GABRD: variants seen among roughly 807,000 people sequenced by gnomAD.
The protein encoded by GABRD is gamma-aminobutyric acid type A receptor subunit delta, also known as gamma-aminobutyric acid receptor subunit delta.
Under a neutral mutation model 47.3 loss-of-function variants are expected in GABRD, and 25 were observed. The observed-to-expected ratio is 0.53, with a 90% confidence interval of 0.39 to 0.74. The LOEUF (loss-of-function observed/expected upper bound fraction) is 0.74, where lower values mean the gene tolerates loss of function less well. GABRD is among the 30% of genes least tolerant of loss of function. The pLI, the probability that GABRD is intolerant of heterozygous loss-of-function variation, is 0.00. For missense variants in GABRD, 497 were observed against 643.4 expected (o/e 0.77, Z 2.46); for synonymous variants, 314 against 278.8 (o/e 1.13, Z -1.26).
intron 4 of GABRD, 95 bp from the exon 5 acceptor site, chr1:2,027,482 C>G: frequency 1.1e-6 from 1 of 938,652 alleles, no homozygotes. Context: ...GGGCTCCAGG[C>G]AGGTGCTCAG....
At chr1:2,019,523 C>T in intron 1 of GABRD, 32 bp downstream of exon 1, 1 of 1,059,234 alleles carries the variant, frequency 9.4e-7, no homozygotes, top group Non-Finnish European at 1.1e-6. Context: ...GGCGCGGGGT[C>T]GGGGGCGGTG....
At position 2,025,020 on chromosome 1, in the gene GABRD, C is replaced by T. The variant is rs147463074; in HGVS notation, c.147C>T (p.Ala49=). ...SWLPNLDGLI[A]GYARNFRPGI... Reference sequence around the variant, plus strand: ...TCCCCAACCTGGACGGGCTGATAGCCGGCTACGCCCGCAACTTCCGGCCTG... The same window carrying T: ...TCCCCAACCTGGACGGGCTGATAGCTGGCTACGCCCGCAACTTCCGGCCTG... Residue 49 remains alanine, a synonymous_variant, in exon 2 of 9, where the codon GCC becomes GCT. Transcript: ENST00000378585. 4.2e-5 allele frequency: 67 copies of T among 1,612,554 alleles called. No individual in the cohort carries two copies. Among genetic ancestry groups the T allele is most frequent in the Middle Eastern group, 3.3e-4 (2 of 6,080 alleles).
Position 2,028,919 on chromosome 1 carries a change from G to C in GABRD, c.692-192G>C, listed in dbSNP as rs78491888. ...GGGTGACACTGCTCAGGACCAGCCT[G>C]TCCTGTGGCCAGACCTAGGGCCGGA... On this transcript the variant is annotated intron_variant, in intron 6 of 8. Transcript: ENST00000378585. The surrounding 1 kb of genome is among the most constrained non-coding windows in gnomAD (Gnocchi z 6.4). 7,303 of 655,478 alleles carry C rather than the reference G, an allele frequency of 0.011. 400 individuals carry two copies. The African/African-American group carries it at 0.12, about 11-fold the overall frequency. 40.6% of individuals were successfully genotyped at this position (655,478 alleles called of 1,614,324 possible).
At chr1:2,027,788 C>A in intron 5 of GABRD, 129 bp downstream of exon 5, 1 of 847,376 alleles carries the variant, frequency 1.2e-6, no homozygotes, top group Non-Finnish European at 1.9e-6. Flanking sequence ...CTTCTGCATG[C>A]AAGAAGCCTG....
Position 2,028,712 on chromosome 1 carries a change from A to C in GABRD, c.692-399A>C, listed in dbSNP as rs1658999658. ...CAGCCCCACTTTCCCACCCCTACGC[A>C]CCCCGTCCCCGGTCATCCAGAGCCA... On this transcript the variant is annotated intron_variant, in intron 6 of 8. Coordinates refer to ENST00000378585, the MANE Select transcript of GABRD (RefSeq NM_000815.5). The surrounding 1 kb of genome is among the most constrained non-coding windows in gnomAD (Gnocchi z 6.4). 6.7e-6 allele frequency among the ~76,000 whole-genome samples: 1 copy of C among 149,618 alleles called. No individual in the cohort carries two copies.
At chr1:2,025,305 T>TC (rs753705742) in intron 2 of GABRD, 29 bp from the exon 3 acceptor site, 26 of 1,612,542 alleles carry the variant, frequency 1.6e-5, no homozygotes, top group Middle Eastern at 3.3e-4. Context: ...CCGGCCTCAG[T>TC]CCTTCTTAGT....
intron 4 of GABRD, 105 bp downstream of exon 4, chr1:2,025,843 GGGAGCTGGCGGGCGGGC>G (rs1658909157): frequency 1.0e-6 from 1 of 992,084 alleles, no homozygotes; most frequent in Non-Finnish European, 1.5e-6. Flanking sequence ...TTCTGCTGCC[GGGAGCTGGCGGGCGGGC>G]GGAGGGGGGG....
chr1:2,021,721 C>T (rs1016523730), intron 1 of GABRD, among the ~76,000 whole-genome samples: 4 of 152,202 alleles, frequency 2.6e-5, no homozygotes, highest in Admixed American at 1.3e-4. Context: ...CGGCTCCTAC[C>T]GTGCCAGCTC....
rs919834814 is a variant in GABRD at position 2,029,112 on chromosome 1, T to A, written c.693T>A (p.Ala231=). ...CACTGACGGTGGCTGTCCTGGCAGC[T>A]GGCCAGTTCCCACGGCTCAGCCTGC... is the stretch of plus-strand genomic sequence containing the variant. ...FTTELMNFKS[A]GQFPRLSLHF... is the part of the protein sequence containing the mutation. Residue 231 remains alanine (A), a splice_region_variant and synonymous_variant, in exon 7 of 9, where the codon GCT becomes GCA. Transcript: ENST00000378585. 2 of 1,541,124 alleles carry A rather than the reference T, an allele frequency of 1.3e-6. No individual in the cohort carries two copies. Among genetic ancestry groups the A allele is most frequent in the Non-Finnish European group, 8.7e-7 (1 of 1,146,890 alleles).
rs1659004015 is a variant in GABRD at position 2,028,842 on chromosome 1, A to C, written c.692-269A>C. The C allele has an allele frequency of 1.9e-6, 1 of 537,650 alleles. No homozygotes were observed. The highest frequency in any genetic ancestry group is 1.9e-5 in the African/African-American group (1 of 52,144). 33.3% of individuals were successfully genotyped at this position (537,650 alleles called of 1,614,324 possible). A position where few individuals can be genotyped will look rare whatever the true frequency, so the allele number is the denominator to read the frequency against. On this transcript the variant is annotated intron_variant, in intron 6 of 8. Coordinates refer to ENST00000378585, the MANE Select transcript of GABRD (RefSeq NM_000815.5). The surrounding 1 kb of genome is among the most constrained non-coding windows in gnomAD (Gnocchi z 6.4). ...TTGGTTGCGAGGGTCCCTCAGGGCC[A>C]GTCCAGCAAACATGAGGCCAGCAGT...
intron 1 of GABRD, among the ~76,000 whole-genome samples, chr1:2,021,311 G>A (rs1424774830): frequency 2.6e-5 from 4 of 152,228 alleles, no homozygotes; most frequent in Non-Finnish European, 4.4e-5. Context: ...CAGGCCTGGA[G>A]GGTCTCCCCA....
At position 2,030,509 on chromosome 1, in the gene GABRD, A is replaced by C. The variant is rs1659061602; in HGVS notation, c.*227A>C. 1 of 414,560 alleles carries C rather than the reference A, an allele frequency of 2.4e-6. No homozygotes were observed. The highest frequency in any genetic ancestry group is 2.1e-5 in the African/African-American group (1 of 48,660). 25.7% of individuals were successfully genotyped at this position (414,560 alleles called of 1,614,324 possible). A position where few individuals can be genotyped will look rare whatever the true frequency, so the allele number is the denominator to read the frequency against. ...CCGGCAGGCAGCCCGAGACCTGCACAGATGAAGGAGCAGAGGTTCTGACCG... is the reference window on the plus strand; with the variant it reads ...CCGGCAGGCAGCCCGAGACCTGCACCGATGAAGGAGCAGAGGTTCTGACCG... On this transcript the variant is annotated 3_prime_UTR_variant, in exon 9 of 9. Coordinates refer to ENST00000378585, the MANE Select transcript of GABRD (RefSeq NM_000815.5).
intron 6 of GABRD, 60 bp from the exon 7 acceptor site, chr1:2,029,051 G>A: frequency 6.5e-7 from 1 of 1,532,590 alleles, no homozygotes. Flanking sequence ...CAGCCCCTGA[G>A]TCCCATGGTT....
intron 1 of GABRD, chr1:2,024,496 C>T (rs992779287): frequency 6.5e-6 from 1 of 154,764 alleles, no homozygotes. Context: ...TTCCTCTTCT[C>T]CAAACCGTCT....
chr1:2,019,603 A>T (rs1658718858), intron 1 of GABRD, 112 bp downstream of exon 1: 2 of 551,584 alleles, frequency 3.6e-6, no homozygotes, highest in South Asian at 1.7e-4. Flanking sequence ...CCGGACCCCA[A>T]GTCTGAGAGC....
intron 1 of GABRD, among the ~76,000 whole-genome samples, chr1:2,023,399 C>T (rs1037004964): frequency 1.3e-5 from 2 of 151,890 alleles, no homozygotes; most frequent in Non-Finnish European, 2.9e-5. Flanking sequence ...AGGGGTGCCT[C>T]GAGCCCAGGT....
rs779157844 is a variant in GABRD at position 2,030,281 on chromosome 1, G to C, written c.1358G>C (p.Ter453SerextTer39). The C allele has an allele frequency of 6.5e-7, 1 of 1,534,142 alleles. No homozygotes were observed. ...NVIYWAAYAM[*>S] The stretch of plus-strand genomic sequence containing the variant: ...ATCTACTGGGCGGCATACGCCATGT[G>C]AGCACAGGACTCAGGCCACCCTCGC... Residue 453 changes from the stop codon to serine (S), a stop_lost, in exon 9 of 9, where the codon TGA becomes TCA. Transcript: ENST00000378585.
At position 2,029,821 on chromosome 1, in the gene GABRD, C is replaced by T. The variant is rs1571032985; in HGVS notation, c.1059+59C>T. ...GCTGGGGGCCCCAACCAGGACCCTTCAGCTGCCCCAGCCCACTGTGGGTCC... is the reference window on the plus strand; with the variant it reads ...GCTGGGGGCCCCAACCAGGACCCTTTAGCTGCCCCAGCCCACTGTGGGTCC... On this transcript the variant is annotated intron_variant, in intron 8 of 8. Transcript: ENST00000378585. 1.4e-5 allele frequency: 22 copies of T among 1,524,500 alleles called. No individual in the cohort carries two copies. In the East Asian group the frequency reaches 4.5e-4, roughly 31 times the overall value. The allele number at this position is 1,524,500 out of a possible 1,614,324, so 94.4% of individuals were successfully genotyped here.
intron 1 of GABRD, among the ~76,000 whole-genome samples, chr1:2,022,558 C>T (rs534615204): frequency 5.3e-5 from 8 of 152,366 alleles, no homozygotes; most frequent in East Asian, 3.9e-4. Flanking sequence ...CCAGGAAGGA[C>T]GGTGTCTCCT....
Sources: allele counts gnomAD v4.1 joint callset (sites outside exome capture counted in the v4.1 genomes callset), GRCh38; gene constraint gnomAD v4.1.1; non-coding constraint Gnocchi (gnomAD v3.1); transcripts MANE v1.5; gene names NCBI Gene and HGNC (gene_info 2026-07-23, HGNC 2026-07-21).